The following UGT1A3 variants were observed in gnomAD, a reference collection of about 807,000 sequenced individuals.
UGT1A3 encodes the protein UDP-glucuronosyltransferase 1A3.
Under a neutral mutation model 41.0 loss-of-function variants are expected in UGT1A3, and 31 were observed. That is an observed-to-expected ratio of 0.76 (90% CI 0.57 to 1.02). The LOEUF is 1.02. Among genes scored for constraint, UGT1A3 ranks in the 50% least tolerant of loss-of-function variants. The pLI is 0.00. For missense variants in UGT1A3, 737 were observed against 671.0 expected, an observed-to-expected ratio of 1.10 and a Z score of -1.09; for synonymous variants, 262 against 257.6, an observed-to-expected ratio of 1.02 and a Z score of -0.17.
Position 233,740,185 on chromosome 2 carries a change from CCT to C in UGT1A3, c.867+10195_867+10196del, listed in dbSNP as rs573081380. On this transcript the variant is annotated intron_variant, in intron 1 of 4. Transcript: ENST00000482026. ...CATGTGGAACTGTGAGTCAATTAAA[CCT>C]CTTTCTTTTATAAATTACCCAGTCT... Among the ~76,000 whole-genome samples, 45 of 151,974 alleles carry C rather than the reference CCT, an allele frequency of 3.0e-4. 2 individuals are homozygous for C. Among genetic ancestry groups the C allele is most frequent in the African/African-American group, 9.9e-4 (41 of 41,240 alleles).
At chr2:233,751,940 C>A (rs1176362402) in intron 1 of UGT1A3, among the ~76,000 whole-genome samples, 1 of 152,072 alleles carries the variant, frequency 6.6e-6, no homozygotes, top group Non-Finnish European at 1.5e-5. Flanking sequence ...TGAAGTTATA[C>A]TGAAAGGGTT....
intron 1 of UGT1A3, chr2:233,755,452 C>G (rs1440747230): frequency 1.3e-5 from 4 of 306,254 alleles, no homozygotes; most frequent in Non-Finnish European, 2.6e-5. Context: ...GCTCCTGGGA[C>G]TGGCCCTGCT....
At chr2:233,747,077 T>G (rs1575680795) in intron 1 of UGT1A3, 1 of 1,083,878 alleles carries the variant, frequency 9.2e-7, no homozygotes, top group East Asian at 2.9e-5. Flanking sequence ...AATAATTAAC[T>G]AGGAGGAGAG....
At chr2:233,745,354 T>C (rs893608490) in intron 1 of UGT1A3, among the ~76,000 whole-genome samples, 4 of 151,848 alleles carry the variant, frequency 2.6e-5, no homozygotes, top group African/African-American at 9.7e-5. Flanking sequence ...TTTGGGGGAA[T>C]TTTTTTGAGA....
At chr2:233,757,089 G>C (rs553473050) in intron 1 of UGT1A3, among the ~76,000 whole-genome samples, 2 of 151,396 alleles carry the variant, frequency 1.3e-5, no homozygotes, top group Admixed American at 1.3e-4. Flanking sequence ...AGGGTAAGAG[G>C]CAGAGGGAGG....
intron 1 of UGT1A3, among the ~76,000 whole-genome samples, chr2:233,764,963 G>A (rs1465022385): frequency 6.6e-6 from 1 of 152,090 alleles, no homozygotes; most frequent in East Asian, 1.9e-4. Flanking sequence ...GCTCACCTTG[G>A]GAGAAGGATG....
intron 1 of UGT1A3, among the ~76,000 whole-genome samples, chr2:233,757,480 T>G (rs935196749): frequency 1.4e-5 from 2 of 146,296 alleles, no homozygotes; most frequent in African/African-American, 5.1e-5. Context: ...TCCAAAACCA[T>G]GGACTGGCAC....
intron 1 of UGT1A3, among the ~76,000 whole-genome samples, chr2:233,739,992 T>C (rs772368489): frequency 2.0e-5 from 3 of 151,936 alleles, no homozygotes; most frequent in Non-Finnish European, 2.9e-5. Context: ...CATGCTGTTC[T>C]TGTCATACTA....
At chr2:233,743,650 G>C (rs556129739) in intron 1 of UGT1A3, 34 of 1,367,276 alleles carry the variant, frequency 2.5e-5, no homozygotes, top group East Asian at 9.1e-5. Flanking sequence ...AGCTGAAGAC[G>C]TACTCGAAGG....
chr2:233,765,887 T>G (rs1279202147), intron 1 of UGT1A3, among the ~76,000 whole-genome samples: 1 of 152,030 alleles, frequency 6.6e-6, no homozygotes, highest in African/African-American at 2.4e-5. Flanking sequence ...ACTTTCTCAG[T>G]GCGCCACTGC....
intron 1 of UGT1A3, chr2:233,755,866 T>C (rs1696048647): frequency 6.6e-6 from 1 of 152,244 alleles, no homozygotes; most frequent in Non-Finnish European, 1.5e-5. Context: ...CATGACACAC[T>C]AACAAACCTT....
chr2:233,751,050 G>A (rs1201577547), intron 1 of UGT1A3, among the ~76,000 whole-genome samples: 3 of 151,910 alleles, frequency 2.0e-5, no homozygotes, highest in Admixed American at 2.0e-4. Context: ...GCCTGGAAAA[G>A]ACACAGACAC....
At chr2:233,750,273 A>T (rs1048305257) in intron 1 of UGT1A3, among the ~76,000 whole-genome samples, 6 of 151,954 alleles carry the variant, frequency 3.9e-5, no homozygotes, top group African/African-American at 1.5e-4. Context: ...TGCTTTAGCA[A>T]AGAGACTGGT....
rs200127379 is a variant in UGT1A3 at position 233,729,681 on chromosome 2, A to G, written c.555A>G (p.Thr185=). Residue 185 remains threonine (T), a synonymous_variant, in exon 1 of 5, where the codon ACA becomes ACG. Transcript: ENST00000482026. Reference sequence around the variant, plus strand: ...CATGTGATTTAGACTTTAAGGGCACACAGTGTCCAAACCCTTCCTCCTATA... The same window carrying G: ...CATGTGATTTAGACTTTAAGGGCACGCAGTGTCCAAACCCTTCCTCCTATA... ...NIPCDLDFKG[T]QCPNPSSYIP... is the part of the protein sequence containing the mutation. 4 of 1,613,946 alleles carry G rather than the reference A, an allele frequency of 2.5e-6. No homozygotes were observed. In the East Asian group the frequency reaches 8.9e-5, roughly 36 times the overall value.
chr2:233,755,408 A>G (rs886813938), intron 1 of UGT1A3: 6 of 332,530 alleles, frequency 1.8e-5, no homozygotes, highest in Non-Finnish European at 2.9e-5. Flanking sequence ...TCATTGGCCG[A>G]GGCCTGTGAG....
At chr2:233,732,556 A>G (rs1170205117) in intron 1 of UGT1A3, among the ~76,000 whole-genome samples, 1 of 152,226 alleles carries the variant, frequency 6.6e-6, no homozygotes, top group African/African-American at 2.4e-5. Context: ...CATTTATTAA[A>G]TAAGGAATCC....
intron 1 of UGT1A3, among the ~76,000 whole-genome samples, chr2:233,756,700 T>C (rs1696300397): frequency 6.6e-6 from 1 of 152,160 alleles, no homozygotes; most frequent in Non-Finnish European, 1.5e-5. Flanking sequence ...CGATGAATTT[T>C]GGGGGGACTT....
rs11902620 is a variant in UGT1A3, at chr2:233,737,991, T to C, written c.867+7998T>C. Among the ~76,000 whole-genome samples, 1,168 of 152,178 alleles carry C rather than the reference T, an allele frequency of 7.7e-3. 15 individuals carry two copies. The highest frequency in any genetic ancestry group is 0.027 in the African/African-American group (1,127 of 41,508). Reference sequence around the variant, plus strand: ...AGATTTAATATGGTTTGGCTCTGTGTCCCCCACCAAATCTCATCTTGAATT... The same window carrying C: ...AGATTTAATATGGTTTGGCTCTGTGCCCCCCACCAAATCTCATCTTGAATT... On this transcript the variant is annotated intron_variant, in intron 1 of 4. Transcript: ENST00000482026.
chr2:233,762,622 T>C (rs772893097), intron 1 of UGT1A3, among the ~76,000 whole-genome samples: 2 of 152,196 alleles, frequency 1.3e-5, no homozygotes, highest in African/African-American at 4.8e-5. Context: ...TGTTGTGACC[T>C]CAAACACTTC....
Sources: allele counts gnomAD v4.1 joint callset (sites outside exome capture counted in the v4.1 genomes callset), GRCh38; gene constraint gnomAD v4.1.1; transcripts MANE v1.5; gene names NCBI Gene and HGNC (gene_info 2026-07-23, HGNC 2026-07-21).